The following SENP6 variants were observed in gnomAD, a reference collection of about 807,000 sequenced individuals.
SENP6 encodes SUMO specific peptidase 6.
SENP6 carries 41 observed loss-of-function variants against 134.5 expected under a neutral mutation model. The ratio of observed to expected loss-of-function variants is 0.30; its 90% CI spans 0.24 to 0.40. The LOEUF is 0.40. Among genes scored for constraint, SENP6 ranks in the 10% least tolerant of loss-of-function variants. SENP6 has a pLI of 1.00. For missense variants in SENP6, 1,248 were observed against 1,312.5 expected (o/e 0.95, Z 0.76); for synonymous variants, 395 against 429.8 (o/e 0.92, Z 1.00).
chr6:75,638,588 GTGTATATA>G (rs1405481568), intron 5 of SENP6, among the ~76,000 whole-genome samples: 38 of 31,014 alleles, frequency 1.2e-3, no homozygotes, highest in Non-Finnish European at 1.4e-3. Context: ...GTGTGTGTGT[GTGTATATA>G]TATATATATA....
chr6:75,613,554 A>G (rs1767622670), intron 1 of SENP6, among the ~76,000 whole-genome samples: 1 of 152,212 alleles, frequency 6.6e-6, no homozygotes, highest in Non-Finnish European at 1.5e-5. Flanking sequence ...TGTAATAGTA[A>G]AAAGGTGGAT....
chr6:75,630,056 A>C (rs2149835441), intron 3 of SENP6, among the ~76,000 whole-genome samples: 1 of 151,702 alleles, frequency 6.6e-6, no homozygotes, highest in Non-Finnish European at 1.5e-5. Flanking sequence ...CACAATGTGC[A>C]ACTTGTGATA....
intron 8 of SENP6, among the ~76,000 whole-genome samples, chr6:75,661,661 C>T (rs1021837929): frequency 6.6e-6 from 1 of 152,164 alleles, no homozygotes; most frequent in Admixed American, 6.5e-5. Context: ...TGTAGCCAGC[C>T]TCTATGTAAA....
intron 1 of SENP6, among the ~76,000 whole-genome samples, chr6:75,605,998 A>C (rs1767000759): frequency 6.6e-6 from 1 of 152,210 alleles, no homozygotes; most frequent in African/African-American, 2.4e-5. Flanking sequence ...TGAACTGTAC[A>C]TTGAGTGTCA....
intron 11 of SENP6, among the ~76,000 whole-genome samples, chr6:75,670,973 C>T (rs1007198978): frequency 6.6e-6 from 1 of 150,770 alleles, no homozygotes; most frequent in Non-Finnish European, 1.5e-5. Context: ...AGTTAGAAAA[C>T]CTTCCAATAT....
chr6:75,700,404 A>G (rs960762829), intron 18 of SENP6, among the ~76,000 whole-genome samples: 1 of 152,246 alleles, frequency 6.6e-6, no homozygotes, highest in Middle Eastern at 3.2e-3. Flanking sequence ...CCACATTGGC[A>G]TAGCTAAGAA....
chr6:75,708,467 T>C (rs1447282915), intron 19 of SENP6, among the ~76,000 whole-genome samples: 3 of 152,170 alleles, frequency 2.0e-5, no homozygotes, highest in African/African-American at 7.2e-5. Context: ...GGTGTGCACC[T>C]GTAATCCCAG....
At chr6:75,642,807 G>C (rs1035519337) in intron 6 of SENP6, among the ~76,000 whole-genome samples, 7 of 152,168 alleles carry the variant, frequency 4.6e-5, no homozygotes, top group Admixed American at 1.3e-4. Context: ...AGTTAAGGCT[G>C]GGCAAGTTCC....
chr6:75,705,327 A>G (rs940377673), intron 19 of SENP6, among the ~76,000 whole-genome samples: 4 of 152,086 alleles, frequency 2.6e-5, no homozygotes, highest in African/African-American at 9.7e-5. Context: ...CGGGTGGATC[A>G]GTAGGTCAGG....
chr6:75,680,910 G>A (rs1490411433), intron 16 of SENP6, among the ~76,000 whole-genome samples: 1 of 152,122 alleles, frequency 6.6e-6, no homozygotes, highest in African/African-American at 2.4e-5. Context: ...TAAAACACAA[G>A]AATTATATTG....
At chr6:75,662,109 C>T (rs1771824438) in intron 8 of SENP6, among the ~76,000 whole-genome samples, 1 of 152,034 alleles carries the variant, frequency 6.6e-6, no homozygotes, top group African/African-American at 2.4e-5. Context: ...ATGGGATTAA[C>T]ATCTTTAGGA....
intron 6 of SENP6, 129 bp downstream of exon 6, chr6:75,640,833 T>A (rs900988488): frequency 3.0e-5 from 15 of 497,594 alleles, no homozygotes; most frequent in African/African-American, 2.0e-4. Flanking sequence ...AAAGTTTTAG[T>A]TGACATGTAA....
intron 1 of SENP6, among the ~76,000 whole-genome samples, chr6:75,605,286 G>T (rs1015996801): frequency 6.6e-6 from 1 of 152,176 alleles, no homozygotes; most frequent in African/African-American, 2.4e-5. Flanking sequence ...CTAACAGTCA[G>T]TGTACCACGG....
At chr6:75,674,041 G>A (rs981076878) in intron 11 of SENP6, among the ~76,000 whole-genome samples, 9 of 151,024 alleles carry the variant, frequency 6.0e-5, no homozygotes, top group South Asian at 2.1e-4. Flanking sequence ...ATGAATGAGT[G>A]AATGCTTTAT....
chr6:75,636,602 T>C (rs1391944568), intron 5 of SENP6, among the ~76,000 whole-genome samples: 8 of 152,020 alleles, frequency 5.3e-5, no homozygotes, highest in African/African-American at 1.7e-4. Flanking sequence ...ACATGCATGG[T>C]TAGGGCAGCA....
Position 75,685,490 on chromosome 6 carries a change from A to G in SENP6, c.2075+6563A>G, listed in dbSNP as rs577662113. Among the ~76,000 whole-genome samples the G allele has an allele frequency of 1.9e-3, 295 of 152,238 alleles. 2 individuals carry two copies. Among genetic ancestry groups the G allele is most frequent in the African/African-American group, 6.6e-3 (273 of 41,554 alleles). The stretch of plus-strand genomic sequence containing the variant: ...ATTGTGATGTTAGGGTGTCAATTTT[A>G]GATCTTTCCTGCTTTCTCTTGTGGG... On this transcript the variant is annotated intron_variant, in intron 16 of 23. Coordinates refer to ENST00000447266, the MANE Select transcript of SENP6 (RefSeq NM_015571.4).
intron 18 of SENP6, among the ~76,000 whole-genome samples, chr6:75,701,633 C>CTTT (rs60715314): frequency 0.17 from 13,508 of 80,072 alleles, 1,629 homozygotes; most frequent in African/African-American, 0.28. Context: ...ACAGTTTAAT[C>CTTT]TTTTTTTTTT....
intron 1 of SENP6, among the ~76,000 whole-genome samples, chr6:75,614,436 T>C (rs1767699266): frequency 6.6e-6 from 1 of 151,966 alleles, no homozygotes; most frequent in South Asian, 2.1e-4. Flanking sequence ...AGGCAAATTT[T>C]TTTGTATTTT....
chr6:75,674,512 G>A (rs569182659), intron 11 of SENP6, among the ~76,000 whole-genome samples: 1 of 152,014 alleles, frequency 6.6e-6, no homozygotes, highest in Non-Finnish European at 1.5e-5. Context: ...TAGTAGAGAT[G>A]GGGTTTCACC....
Sources: allele counts gnomAD v4.1 joint callset (sites outside exome capture counted in the v4.1 genomes callset), GRCh38; gene constraint gnomAD v4.1.1; transcripts MANE v1.5; gene names NCBI Gene and HGNC (gene_info 2026-07-23, HGNC 2026-07-21).